The following RIN2 variants were observed in gnomAD, a reference collection of about 807,000 sequenced individuals.
RIN2 encodes the protein Ras and Rab interactor 2, also known as RAB5 interacting protein 2.
RIN2 carries 36 observed loss-of-function variants against 78.0 expected under a neutral mutation model. The observed-to-expected ratio is 0.46, with a 90% CI of 0.35 to 0.61. RIN2 has a LOEUF of 0.61. RIN2 is among the 20% of genes least tolerant of loss of function. The pLI is 0.00. For missense variants in RIN2, 1,087 were observed against 1,159.7 expected (o/e 0.94, Z 0.91); for synonymous variants, 466 against 466.8 (o/e 1.00, Z 0.02).
chr20:19,823,489 A>G (rs549115254), intron 2 of RIN2: 5 of 847,810 alleles, frequency 5.9e-6, no homozygotes, highest in African/African-American at 5.0e-5. Flanking sequence ...GATGTCATCT[A>G]TGATGTCATG....
chr20:19,935,955 G>T (rs568813881), intron 4 of RIN2, among the ~76,000 whole-genome samples: 1 of 152,298 alleles, frequency 6.6e-6, no homozygotes, highest in Admixed American at 6.5e-5. Context: ...CAGAAAGTGG[G>T]GCTGAGCCTG....
At chr20:19,833,684 A>G (rs2036319488) in intron 2 of RIN2, among the ~76,000 whole-genome samples, 2 of 152,332 alleles carry the variant, frequency 1.3e-5, no homozygotes, top group South Asian at 4.1e-4. Context: ...TTGGGGCCCC[A>G]CCAGATCTTC....
At chr20:19,812,397 T>G (rs2035632093) in intron 2 of RIN2, among the ~76,000 whole-genome samples, 1 of 152,244 alleles carries the variant, frequency 6.6e-6, no homozygotes, top group African/African-American at 2.4e-5. Context: ...CTCTTTTCTA[T>G]TTCAGCCATT....
intron 2 of RIN2, among the ~76,000 whole-genome samples, chr20:19,800,920 T>C (rs2035221088): frequency 6.6e-6 from 1 of 152,232 alleles, no homozygotes; most frequent in Admixed American, 6.5e-5. Context: ...TGCTGGAGTT[T>C]CAACCCAGAG....
chr20:19,894,935 T>G (rs2038651356), intron 3 of RIN2, among the ~76,000 whole-genome samples: 3 of 152,302 alleles, frequency 2.0e-5, no homozygotes, highest in Admixed American at 2.0e-4. Context: ...ATTTTCAGGC[T>G]GTGCTTCCAC....
In RIN2 at chr20:19,996,773, A is replaced by G; in HGVS notation, c.2295A>G (p.Arg765=). ...QAARLLSSET[R]DTLRQWHKRR... is the part of the protein sequence containing the mutation. ...CGCGACTGCTCAGCTCAGAAACCAG[A>G]GACACCCTGAGGCAGTGGCACAAAC... The change falls in exon 12 of 13, where the codon AGA becomes AGG. Residue 765 remains arginine (R), a synonymous_variant. Coordinates refer to ENST00000255006, the MANE Select transcript of RIN2 (RefSeq NM_018993.4). The G allele has an allele frequency of 6.2e-7, 1 of 1,612,674 alleles. No individual in the cohort carries two copies. The highest frequency in any genetic ancestry group is 1.1e-5 in the South Asian group (1 of 90,804).
In RIN2 at chr20:19,935,183, C is replaced by A; in HGVS notation, c.142C>A (p.Pro48Thr). 6.3e-7 allele frequency: 1 copy of A among 1,599,342 alleles called. No individual in the cohort carries two copies. Among genetic ancestry groups the A allele is most frequent in the Non-Finnish European group, 8.5e-7 (1 of 1,172,990 alleles). Residue 48 changes from proline (P) to threonine (T), a missense_variant, in exon 4 of 13, where the codon CCC becomes ACC. Around this residue, in one of 8 missense-constraint regions of RIN2, gnomAD observed 706 missense variants for 667.5 expected, o/e 1.06. Coordinates refer to ENST00000255006, the MANE Select transcript of RIN2 (RefSeq NM_018993.4). ...TDVNLENGLE[P>T]AETHSMVRHK... ...TGTCAACCTGGAAAATGGCCTGGAA[C>A]CCGCTGAAACCCACAGGTGACCAGA...
At chr20:19,953,358 C>T (rs1360580506) in intron 4 of RIN2, among the ~76,000 whole-genome samples, 2 of 152,092 alleles carry the variant, frequency 1.3e-5, no homozygotes, top group African/African-American at 2.4e-5. Flanking sequence ...TCTTGAACTC[C>T]TGACTTCCAG....
intron 2 of RIN2, among the ~76,000 whole-genome samples, chr20:19,883,486 C>A (rs1479966311): frequency 6.6e-6 from 1 of 151,982 alleles, no homozygotes; most frequent in Non-Finnish European, 1.5e-5. Context: ...ACCCTAGGCA[C>A]TCACCACCAT....
At chr20:19,936,582 C>T (rs914319676) in intron 4 of RIN2, among the ~76,000 whole-genome samples, 12 of 152,128 alleles carry the variant, frequency 7.9e-5, no homozygotes, top group Admixed American at 7.2e-4. Flanking sequence ...CACAGAGCGG[C>T]GGAAACCTTT....
At chr20:19,935,259 TGCCAAGGGC>T in intron 4 of RIN2, 60 bp downstream of exon 4, 1 of 1,430,378 alleles carries the variant, frequency 7.0e-7, no homozygotes, top group Non-Finnish European at 9.6e-7. Context: ...ACCCTGGCAC[TGCCAAGGGC>T]TGACTTGCAG....
intron 2 of RIN2, among the ~76,000 whole-genome samples, chr20:19,885,690 CA>C (rs578245984): frequency 5.1e-4 from 68 of 132,574 alleles, no homozygotes; most frequent in East Asian, 6.6e-4. Flanking sequence ...AGCAAACAAA[CA>C]AAAAAAAAAA....
intron 3 of RIN2, among the ~76,000 whole-genome samples, chr20:19,895,476 C>T (rs1277559215): frequency 6.6e-6 from 1 of 152,148 alleles, no homozygotes; most frequent in Non-Finnish European, 1.5e-5. Flanking sequence ...TTCTAACCTT[C>T]CTTGGCCTCT....
chr20:19,972,881 C>T (rs1049193264), intron 8 of RIN2, among the ~76,000 whole-genome samples: 5 of 152,168 alleles, frequency 3.3e-5, no homozygotes, highest in African/African-American at 1.2e-4. Context: ...CTAGTAGCCA[C>T]ACAGGTTAAA....
intron 1 of RIN2, among the ~76,000 whole-genome samples, chr20:19,797,133 C>A (rs886385960): frequency 6.6e-6 from 1 of 152,182 alleles, no homozygotes; most frequent in African/African-American, 2.4e-5. Context: ...ATCAGCATAA[C>A]GCAGGGCACT....
At chr20:19,994,762 GAT>G (rs1336254054) in intron 11 of RIN2, among the ~76,000 whole-genome samples, 4 of 152,136 alleles carry the variant, frequency 2.6e-5, no homozygotes, top group African/African-American at 9.7e-5. Context: ...CTGTATTCTG[GAT>G]TACTGAGTTT....
intron 2 of RIN2, among the ~76,000 whole-genome samples, chr20:19,808,927 C>T (rs1274276924): frequency 6.6e-6 from 1 of 152,180 alleles, no homozygotes; most frequent in African/African-American, 2.4e-5. Flanking sequence ...GGGATGCGGT[C>T]CAGGGCGTGG....
intron 2 of RIN2, among the ~76,000 whole-genome samples, chr20:19,818,903 G>A (rs1352654853): frequency 6.6e-6 from 1 of 152,194 alleles, no homozygotes; most frequent in African/African-American, 2.4e-5. Flanking sequence ...CATTTCACAG[G>A]TGTGAAAGGG....
chr20:19,873,443 T>C (rs1337892158), intron 2 of RIN2, among the ~76,000 whole-genome samples: 2 of 152,204 alleles, frequency 1.3e-5, no homozygotes, highest in Non-Finnish European at 2.9e-5. Flanking sequence ...ACACTTTTTC[T>C]GGAAAGGACC....
Sources: gnomAD v4.1 joint callset for allele counts (sites outside exome capture counted in the v4.1 genomes callset) on GRCh38, gnomAD v4.1.1 for gene constraint, gnomAD v4.1.1 regional missense constraint, MANE v1.5 for transcripts, NCBI Gene and HGNC (gene_info 2026-07-23, HGNC 2026-07-21) for gene names.